CPA6: variants seen among roughly 807,000 people sequenced by gnomAD.
The protein encoded by CPA6 is carboxypeptidase A6.
A neutral mutation model predicts 63.3 loss-of-function variants in CPA6; 58 were observed. The ratio of observed to expected loss-of-function variants is 0.92; its 90% CI spans 0.74 to 1.14. The LOEUF (loss-of-function observed/expected upper bound fraction) is 1.14. Ranked by LOEUF, CPA6 falls within the 50% of genes most tolerant of loss-of-function variation. The pLI, the probability that CPA6 is intolerant of heterozygous loss-of-function variation, is 0.00. For synonymous variants in CPA6, 185 were observed against 179.0 expected (o/e 1.03, Z -0.27); for missense variants, 565 against 526.6 (o/e 1.07, Z -0.71).
At chr8:67,423,768 A>T (rs1226944523) in intron 10 of CPA6, among the ~76,000 whole-genome samples, 1 of 152,106 alleles carries the variant, frequency 6.6e-6, no homozygotes, top group East Asian at 1.9e-4. Flanking sequence ...AAACTTTCCC[A>T]TTCTCTTCTC....
At chr8:67,655,103 T>C (rs778741422) in intron 1 of CPA6, among the ~76,000 whole-genome samples, 1 of 152,182 alleles carries the variant, frequency 6.6e-6, no homozygotes, top group Non-Finnish European at 1.5e-5. Flanking sequence ...TAAAATGGTC[T>C]GGAGTGTTTC....
intron 8 of CPA6, among the ~76,000 whole-genome samples, chr8:67,460,604 G>T (rs576237337): frequency 9.2e-5 from 14 of 152,154 alleles, no homozygotes; most frequent in Non-Finnish European, 1.5e-4. Flanking sequence ...TGTGGAATTT[G>T]CTGGAAGGCC....
At chr8:67,570,064 A>T (rs576067004) in intron 2 of CPA6, 1 of 152,722 alleles carries the variant, frequency 6.5e-6, no homozygotes, top group South Asian at 2.1e-4. Flanking sequence ...TAACGTGAGT[A>T]TGGAATTAGC....
intron 1 of CPA6, among the ~76,000 whole-genome samples, chr8:67,688,761 C>A (rs1284758797): frequency 2.0e-5 from 3 of 152,076 alleles, no homozygotes; most frequent in African/African-American, 7.2e-5. Flanking sequence ...TTTAACATTT[C>A]TTTATTTCTT....
At chr8:67,713,099 G>GTGTGTGTGTGTGTGTA (rs1328463977) in intron 1 of CPA6, among the ~76,000 whole-genome samples, 7 of 55,030 alleles carry the variant, frequency 1.3e-4, no homozygotes, top group African/African-American at 5.2e-4. Context: ...GTGTGTGTGT[G>GTGTGTGTGTGTGTGTA]TATATATATA....
At chr8:67,722,929 T>C (rs1053540350) in intron 1 of CPA6, among the ~76,000 whole-genome samples, 12 of 151,818 alleles carry the variant, frequency 7.9e-5, no homozygotes, top group African/African-American at 2.7e-4. Context: ...CGCTCACAAA[T>C]TACCACTACC....
Position 67,492,491 on chromosome 8 carries a change from G to T in CPA6, c.637-7702C>A, listed in dbSNP as rs539416840. Among the ~76,000 whole-genome samples the T allele has an allele frequency of 4.6e-5, 7 of 151,672 alleles. No homozygotes were observed. In the East Asian group the frequency reaches 1.4e-3, roughly 29 times the overall value. On this transcript the variant is annotated intron_variant, in intron 6 of 10. Transcript: ENST00000297770. ...CTTTATAAGGTTTTTTTTTTACAAAGAAATAAGACATTTTAATTCACAGTA... is the reference window on the plus strand; with the variant it reads ...CTTTATAAGGTTTTTTTTTTACAAATAAATAAGACATTTTAATTCACAGTA...
At chr8:67,587,703 T>C (rs1813984016) in intron 2 of CPA6, among the ~76,000 whole-genome samples, 1 of 152,146 alleles carries the variant, frequency 6.6e-6, no homozygotes, top group African/African-American at 2.4e-5. Context: ...TGGGTTTAAC[T>C]ATGTGGTTGG....
chr8:67,512,558 T>C lies in CPA6; in HGVS notation c.318-903A>G, dbSNP rs79810613. Among the ~76,000 whole-genome samples, 34 of 152,350 alleles carry C rather than the reference T, an allele frequency of 2.2e-4. 1 individual carries two copies. In the East Asian group the frequency reaches 5.0e-3, roughly 22 times the overall value. On this transcript the variant is annotated intron_variant, in intron 3 of 10. Transcript: ENST00000297770. ...GCTCCAGGCAGAGTCATTAGTGTTCTTGATGTGACATGTGAGTTAGATAAA... is the reference window on the plus strand; with the variant it reads ...GCTCCAGGCAGAGTCATTAGTGTTCCTGATGTGACATGTGAGTTAGATAAA...
At chr8:67,605,534 T>G (rs1458159998) in intron 2 of CPA6, among the ~76,000 whole-genome samples, 1 of 41,180 alleles carries the variant, frequency 2.4e-5, no homozygotes, top group Non-Finnish European at 4.0e-5. Context: ...TGTATTGCTT[T>G]TTTTTTTTTT....
At chr8:67,530,866 CA>C (rs1812463109) in intron 2 of CPA6, among the ~76,000 whole-genome samples, 1 of 152,128 alleles carries the variant, frequency 6.6e-6, no homozygotes, top group Non-Finnish European at 1.5e-5. Flanking sequence ...GTAATAAATG[CA>C]AAACCTCTCC....
At chr8:67,591,283 C>G (rs1485124722) in intron 2 of CPA6, among the ~76,000 whole-genome samples, 1 of 152,042 alleles carries the variant, frequency 6.6e-6, no homozygotes, top group East Asian at 1.9e-4. Flanking sequence ...GTTTTGGTTA[C>G]TGTAGCCTTG....
intron 8 of CPA6, among the ~76,000 whole-genome samples, chr8:67,437,618 G>A (rs1810191230): frequency 6.6e-6 from 1 of 152,086 alleles, no homozygotes; most frequent in Admixed American, 6.6e-5. Context: ...GAGGGCACTG[G>A]AAACAAATAG....
intron 6 of CPA6, among the ~76,000 whole-genome samples, chr8:67,501,881 T>C (rs1355587473): frequency 6.6e-6 from 1 of 152,192 alleles, no homozygotes; most frequent in African/African-American, 2.4e-5. Context: ...AATTTCCTTT[T>C]TGGGGAATTT....
At chr8:67,661,071 C>T (rs768489254) in intron 1 of CPA6, among the ~76,000 whole-genome samples, 1 of 152,144 alleles carries the variant, frequency 6.6e-6, no homozygotes, top group Non-Finnish European at 1.5e-5. Flanking sequence ...TAAGGAAATG[C>T]TCACACACAA....
chr8:67,588,852 TG>T (rs1814021469), intron 2 of CPA6, among the ~76,000 whole-genome samples: 1 of 152,086 alleles, frequency 6.6e-6, no homozygotes, highest in South Asian at 2.1e-4. Context: ...TAAAGATTGA[TG>T]TTGGGGCCAG....
intron 1 of CPA6, among the ~76,000 whole-genome samples, chr8:67,669,103 T>C (rs1390899200): frequency 6.6e-6 from 1 of 152,202 alleles, no homozygotes. Context: ...TCCAGTACCA[T>C]TATCAATTAG....
chr8:67,643,105 T>G (rs1342782781), intron 1 of CPA6, among the ~76,000 whole-genome samples: 1 of 152,050 alleles, frequency 6.6e-6, no homozygotes, highest in African/African-American at 2.4e-5. Context: ...GTACAAAATA[T>G]ATCAACATGA....
intron 1 of CPA6, among the ~76,000 whole-genome samples, chr8:67,630,646 C>T (rs796538707): frequency 5.3e-5 from 8 of 152,338 alleles, no homozygotes; most frequent in East Asian, 1.9e-4. Context: ...CCCTTGAGCC[C>T]GCTGCTGCTC....
Sources: allele counts gnomAD v4.1 joint callset (sites outside exome capture counted in the v4.1 genomes callset), GRCh38; gene constraint gnomAD v4.1.1; transcripts MANE v1.5; gene names NCBI Gene and HGNC (gene_info 2026-07-23, HGNC 2026-07-21).